Variants in ATXN2 observed in about 807,000 individuals in gnomAD.
ATXN2 encodes the protein ataxin-2.
Under a neutral mutation model 138.6 loss-of-function variants are expected in ATXN2, and 37 were observed. That is an observed-to-expected ratio of 0.27 (90% CI 0.21 to 0.35). The LOEUF (loss-of-function observed/expected upper bound fraction) is 0.35. ATXN2 is among the 10% of genes least tolerant of loss of function. The pLI is 1.00. For synonymous variants in ATXN2, 549 were observed against 543.7 expected (o/e 1.01, Z -0.13); for missense variants, 1,216 against 1,480.3 (o/e 0.82, Z 2.93).
In ATXN2 at chr12:111,598,321, G is replaced by A; in HGVS notation, c.251+463C>T. The A allele has an allele frequency of 3.0e-6, 3 of 996,538 alleles. No individual in the cohort carries two copies. Among genetic ancestry groups the A allele is most frequent in the Non-Finnish European group, 3.6e-6 (3 of 836,382 alleles). 61.7% of individuals were successfully genotyped at this position (996,538 alleles called of 1,614,324 possible). A position where few individuals can be genotyped will look rare whatever the true frequency, so the allele number is the denominator to read the frequency against. On this transcript the variant is annotated intron_variant, in intron 1 of 24. Transcript: ENST00000673436. The surrounding 1 kb of genome is among the most constrained non-coding windows in gnomAD (Gnocchi z 4.5). ...GCGGCCCTAACTTCTCCCCTCCAGA[G>A]ATGTCCCCCATGGAGGGGGACATGT...
In ATXN2 at chr12:111,588,991, C is replaced by CAAAAAAAAAAAAAAA. The variant is rs58116265; in HGVS notation, c.251+9778_251+9792dup. On this transcript the variant is annotated intron_variant, in intron 1 of 24. Transcript: ENST00000673436. Reference sequence around the variant, plus strand: ...GCCTGGGCGACAGAGCGAGATTTCTCAAAAAAAAAAAAAAAAAAAAAAAAA... The same window carrying CAAAAAAAAAAAAAAA: ...GCCTGGGCGACAGAGCGAGATTTCTCAAAAAAAAAAAAAAAAAAAAAAAAAAAAAAAAAAAAAAAA... Among the ~76,000 whole-genome samples the CAAAAAAAAAAAAAAA allele has an allele frequency of 4.4e-4, 17 of 38,710 alleles. 2 individuals carry two copies. In the East Asian group the frequency reaches 5.6e-3, roughly 13 times the overall value. 25.4% of individuals were successfully genotyped at this position (38,710 alleles called of 152,430 possible).
chr12:111,551,235 TGCAGTGAGCCGA>T (rs1882100239), intron 5 of ATXN2, among the ~76,000 whole-genome samples: 1 of 149,008 alleles, frequency 6.7e-6, no homozygotes, highest in Non-Finnish European at 1.5e-5. Flanking sequence ...AGGCAGAGGC[TGCAGTGAGCCGA>T]GATCGTGCCA....
intron 1 of ATXN2, among the ~76,000 whole-genome samples, chr12:111,570,472 A>G (rs1367875054): frequency 6.6e-6 from 1 of 152,194 alleles, no homozygotes; most frequent in African/African-American, 2.4e-5. Context: ...TTCTAACTGA[A>G]ACATATTCTT....
intron 23 of ATXN2, chr12:111,455,193 T>C (rs1163297406): frequency 8.6e-6 from 6 of 697,672 alleles, no homozygotes; most frequent in Non-Finnish European, 1.6e-5. Context: ...GTTATGAAAG[T>C]AGCAGAGACA....
intron 14 of ATXN2, among the ~76,000 whole-genome samples, chr12:111,505,308 T>C (rs1287873295): frequency 6.6e-6 from 1 of 152,196 alleles, no homozygotes; most frequent in Non-Finnish European, 1.5e-5. Context: ...TGAAACAGTA[T>C]TTTCTTAGAT....
At chr12:111,486,677 G>A (rs1877666356) in intron 16 of ATXN2, 84 bp downstream of exon 16, 2 of 1,168,098 alleles carry the variant, frequency 1.7e-6, no homozygotes, top group Admixed American at 2.2e-5. Context: ...ACAAAATTCA[G>A]ATGGCAGGTA....
Position 111,468,730 on chromosome 12 carries a change from TCA to T in ATXN2, c.2842+1376_2842+1377del, listed in dbSNP as rs1185296439. The T allele has an allele frequency of 9.2e-5, 12 of 131,056 alleles. No individual in the cohort carries two copies. In the East Asian group the frequency reaches 2.9e-3, roughly 32 times the overall value. 8.1% of individuals were successfully genotyped at this position (131,056 alleles called of 1,614,324 possible). A position where few individuals can be genotyped will look rare whatever the true frequency, so the allele number is the denominator to read the frequency against. On this transcript the variant is annotated intron_variant, in intron 20 of 24. Transcript: ENST00000673436. ...TTTTTTTTTTTTTGGAGATGGAGTC[TCA>T]CTCTGTCGCTCAGGCTAGAGTGTAG...
At chr12:111,455,525 T>C (rs542059695) in intron 23 of ATXN2, 13 of 271,548 alleles carry the variant, frequency 4.8e-5, no homozygotes, top group Non-Finnish European at 9.3e-5. Flanking sequence ...GTACAACTTA[T>C]GGTCAAAGCA....
At chr12:111,464,456 T>A (rs573154733) in intron 21 of ATXN2, among the ~76,000 whole-genome samples, 2 of 152,108 alleles carry the variant, frequency 1.3e-5, no homozygotes, top group Non-Finnish European at 2.9e-5. Context: ...AATTGATTTC[T>A]GAAACAACTC....
At chr12:111,492,500 G>C (rs1878102170) in intron 14 of ATXN2, among the ~76,000 whole-genome samples, 1 of 152,172 alleles carries the variant, frequency 6.6e-6, no homozygotes, top group African/African-American at 2.4e-5. Context: ...TGACCAACAT[G>C]GTGAAACACC....
intron 14 of ATXN2, among the ~76,000 whole-genome samples, chr12:111,497,076 T>C (rs929234735): frequency 6.6e-6 from 1 of 152,158 alleles, no homozygotes; most frequent in Non-Finnish European, 1.5e-5. Flanking sequence ...GAGACTACTA[T>C]GAGCATCTAT....
intron 22 of ATXN2, 134 bp from the exon 23 acceptor site, chr12:111,456,390 G>T: frequency 1.1e-6 from 1 of 919,498 alleles, no homozygotes; most frequent in Non-Finnish European, 1.7e-6. Flanking sequence ...AATGTACAGG[G>T]TGGTAAGAGC....
At chr12:111,595,835 G>C (rs543297141) in intron 1 of ATXN2, among the ~76,000 whole-genome samples, 2 of 147,326 alleles carry the variant, frequency 1.4e-5, no homozygotes, top group Admixed American at 6.7e-5. Context: ...CGAGGCTGGC[G>C]AATCACTTGA....
chr12:111,555,079 A>C (rs1366070279), intron 2 of ATXN2, among the ~76,000 whole-genome samples: 1 of 152,178 alleles, frequency 6.6e-6, no homozygotes, highest in Non-Finnish European at 1.5e-5. Context: ...TCTGCCCTTC[A>C]TGTCCGGTTC....
At chr12:111,592,819 CTG>C (rs1194407904) in intron 1 of ATXN2, among the ~76,000 whole-genome samples, 1 of 83,184 alleles carries the variant, frequency 1.2e-5, no homozygotes, top group East Asian at 2.5e-4. Flanking sequence ...ATAGGTGTGA[CTG>C]TTAATAAACT....
At chr12:111,497,769 C>A (rs1277749706) in intron 14 of ATXN2, among the ~76,000 whole-genome samples, 1 of 152,128 alleles carries the variant, frequency 6.6e-6, no homozygotes, top group Admixed American at 6.5e-5. Flanking sequence ...GTAATCCCAG[C>A]ACTTTGGGAG....
intron 1 of ATXN2, among the ~76,000 whole-genome samples, chr12:111,559,211 C>T (rs1394498241): frequency 6.6e-6 from 1 of 151,042 alleles, no homozygotes; most frequent in Non-Finnish European, 1.5e-5. Context: ...TGGCTCACTG[C>T]AACCTCCGCC....
rs1885067140 is a variant in ATXN2, at chr12:111,598,688, G to A, written c.251+96C>T. On this transcript the variant is annotated intron_variant, in intron 1 of 24. Transcript: ENST00000673436. This position sits in a 1 kb window ranked among gnomAD's most constrained non-coding sequence, Gnocchi z 4.5. Reference sequence around the variant, plus strand: ...GCTGCCGGCCCCCAGCCCACCCCGGGTAGCCCGGCGGGTCACGGGGCGGGG... The same window carrying A: ...GCTGCCGGCCCCCAGCCCACCCCGGATAGCCCGGCGGGTCACGGGGCGGGG... 5 of 875,960 alleles carry A rather than the reference G, an allele frequency of 5.7e-6. No individual in the cohort carries two copies. In the South Asian group the frequency reaches 2.7e-4, roughly 47 times the overall value. The allele number at this position is 875,960 out of a possible 1,614,324, so 54.3% of individuals were successfully genotyped here.
intron 20 of ATXN2, among the ~76,000 whole-genome samples, chr12:111,467,753 C>A (rs1170585342): frequency 6.6e-6 from 1 of 152,156 alleles, no homozygotes. Context: ...GGGTCTAAGG[C>A]CCCACTGCTC....
Sources: gnomAD v4.1 joint callset for allele counts (sites outside exome capture counted in the v4.1 genomes callset) on GRCh38, gnomAD v4.1.1 for gene constraint, Gnocchi (gnomAD v3.1) non-coding constraint, MANE v1.5 for transcripts, NCBI Gene and HGNC (gene_info 2026-07-23, HGNC 2026-07-21) for gene names.